PKP4: variants seen among roughly 807,000 people sequenced by gnomAD.
PKP4 encodes plakophilin 4.
Under a neutral mutation model 145.1 loss-of-function variants are expected in PKP4, and 90 were observed. The ratio of observed to expected loss-of-function variants is 0.62; its 90% confidence interval spans 0.52 to 0.74. PKP4 has a LOEUF of 0.74. PKP4 is among the 30% of genes least tolerant of loss of function. The probability of loss-of-function intolerance (pLI) is 0.00; values close to 1 mark genes in which losing one functional copy is unlikely to be tolerated. For missense variants in PKP4, 1,340 were observed against 1,482.7 expected, an observed-to-expected ratio of 0.90 and a Z score of 1.58; for synonymous variants, 563 against 577.2, an observed-to-expected ratio of 0.98 and a Z score of 0.35.
intron 1 of PKP4, among the ~76,000 whole-genome samples, chr2:158,459,087 G>T (rs1389700863): frequency 6.6e-6 from 1 of 152,200 alleles, no homozygotes; most frequent in Non-Finnish European, 1.5e-5. Context: ...CGCTAGAATT[G>T]AGCTTAGATT....
intron 2 of PKP4, among the ~76,000 whole-genome samples, chr2:158,555,322 A>G (rs2045997109): frequency 1.3e-5 from 2 of 152,216 alleles, no homozygotes; most frequent in Non-Finnish European, 2.9e-5. Flanking sequence ...CTTTAGGGAC[A>G]CCACCTTTCC....
At position 158,637,760 on chromosome 2, in the gene PKP4, C is replaced by T. The variant is rs182812324; in HGVS notation, c.1563-2867C>T. On this transcript the variant is annotated intron_variant, in intron 9 of 21. Coordinates refer to ENST00000389759, the MANE Select transcript of PKP4 (RefSeq NM_003628.6). ...TTTATAATTGTTTATGGTGGGAGGG[C>T]GAAATCCAGTACGAGTTACTCTATC... Among the ~76,000 whole-genome samples, 97 of 152,282 alleles carry T rather than the reference C, an allele frequency of 6.4e-4. 1 individual carries two copies. The highest frequency in any genetic ancestry group is 5.0e-3 in the East Asian group (26 of 5,186).
At chr2:158,460,677 C>T (rs1353698625) in intron 1 of PKP4, among the ~76,000 whole-genome samples, 1 of 152,142 alleles carries the variant, frequency 6.6e-6, no homozygotes, top group Non-Finnish European at 1.5e-5. Flanking sequence ...AAATGGACAT[C>T]ATATCTTCAT....
chr2:158,548,368 T>C (rs1228760010), intron 2 of PKP4: 3 of 152,198 alleles, frequency 2.0e-5, no homozygotes. Flanking sequence ...CCTGAAGAAA[T>C]TCCTTTAGAT....
intron 17 of PKP4, 45 bp downstream of exon 17, chr2:158,669,960 G>C: frequency 6.7e-7 from 1 of 1,490,120 alleles, no homozygotes; most frequent in Non-Finnish European, 9.2e-7. Flanking sequence ...TTATTCCTGA[G>C]ATTGTCCTGT....
intron 1 of PKP4, among the ~76,000 whole-genome samples, chr2:158,473,781 T>C (rs1691995104): frequency 6.6e-6 from 1 of 152,196 alleles, no homozygotes; most frequent in Admixed American, 6.5e-5. Context: ...AACCTTCACA[T>C]GTACCCCTGA....
At chr2:158,660,077 G>A (rs1215278803) in intron 12 of PKP4, 3 of 152,670 alleles carry the variant, frequency 2.0e-5, no homozygotes, top group Non-Finnish European at 4.4e-5. Flanking sequence ...CGAGGAAAGG[G>A]GGGAAATAAG....
rs886275551 is a variant in PKP4 at position 158,584,442 on chromosome 2, C to T, written c.245+7059C>T. ...GAGAAATACTGCAAGATAAATTCACCGTTCCAGTAGGCATTGTACGATCTG... is the reference window on the plus strand; with the variant it reads ...GAGAAATACTGCAAGATAAATTCACTGTTCCAGTAGGCATTGTACGATCTG... On this transcript the variant is annotated intron_variant, in intron 3 of 21. Transcript: ENST00000389759. Among the ~76,000 whole-genome samples, 6 of 152,144 alleles carry T rather than the reference C, an allele frequency of 3.9e-5. 1 individual carries two copies. The highest frequency in any genetic ancestry group is 1.3e-4 in the Admixed American group (2 of 15,278).
chr2:158,553,127 T>C (rs929748645), intron 2 of PKP4, among the ~76,000 whole-genome samples: 5 of 152,228 alleles, frequency 3.3e-5, no homozygotes, highest in Non-Finnish European at 7.3e-5. Context: ...TGGTTTCTTC[T>C]TGCTGCTAAT....
chr2:158,647,622 A>G (rs921388691), intron 11 of PKP4, among the ~76,000 whole-genome samples: 1 of 152,212 alleles, frequency 6.6e-6, no homozygotes, highest in African/African-American at 2.4e-5. Context: ...TATGGCTGTC[A>G]TTGTTAATTA....
intron 11 of PKP4, among the ~76,000 whole-genome samples, chr2:158,652,013 A>G (rs946757127): frequency 3.9e-5 from 6 of 152,164 alleles, no homozygotes; most frequent in African/African-American, 1.4e-4. Flanking sequence ...GGCATGAAGC[A>G]AGCAAGCATC....
At chr2:158,623,396 T>C (rs2052446642) in intron 6 of PKP4, among the ~76,000 whole-genome samples, 1 of 152,104 alleles carries the variant, frequency 6.6e-6, no homozygotes, top group South Asian at 2.1e-4. Flanking sequence ...TTGCCCTGGC[T>C]GGTGTCAAGC....
chr2:158,508,391 A>AG (rs2041204893), intron 1 of PKP4, among the ~76,000 whole-genome samples: 2 of 141,084 alleles, frequency 1.4e-5, no homozygotes, highest in Non-Finnish European at 1.5e-5. Flanking sequence ...AAAAAAAAGA[A>AG]GAAGAAGATG....
intron 2 of PKP4, among the ~76,000 whole-genome samples, chr2:158,560,832 G>T (rs931392321): frequency 6.6e-6 from 1 of 152,158 alleles, no homozygotes; most frequent in African/African-American, 2.4e-5. Context: ...ATGTTTAAGT[G>T]ACTTGTCTAA....
intron 2 of PKP4, among the ~76,000 whole-genome samples, chr2:158,543,912 T>C (rs1357620143): frequency 6.6e-6 from 1 of 152,216 alleles, no homozygotes; most frequent in African/African-American, 2.4e-5. Flanking sequence ...TGGGTATCAC[T>C]GTGCAGGTGA....
intron 1 of PKP4, among the ~76,000 whole-genome samples, chr2:158,499,943 A>C (rs958410148): frequency 1.3e-5 from 2 of 152,262 alleles, no homozygotes; most frequent in Non-Finnish European, 2.9e-5. Context: ...TCTGTTATGC[A>C]CAACAGCATG....
chr2:158,619,025 T>C (rs2051936834), intron 4 of PKP4, among the ~76,000 whole-genome samples: 1 of 152,230 alleles, frequency 6.6e-6, no homozygotes, highest in South Asian at 2.1e-4. Flanking sequence ...AGTTTCTTGC[T>C]AGTTCGTATT....
At chr2:158,644,081 T>A (rs2054596078) in intron 11 of PKP4, among the ~76,000 whole-genome samples, 1 of 152,144 alleles carries the variant, frequency 6.6e-6, no homozygotes, top group South Asian at 2.1e-4. Flanking sequence ...AGGGAACTTT[T>A]ATAAGGAACT....
intron 1 of PKP4, among the ~76,000 whole-genome samples, chr2:158,478,328 G>T (rs1284547247): frequency 2.0e-5 from 3 of 151,802 alleles, no homozygotes; most frequent in Non-Finnish European, 4.4e-5. Flanking sequence ...TTGTAAAATG[G>T]GGTTTTCACA....
Sources: gnomAD v4.1 joint callset for allele counts (sites outside exome capture counted in the v4.1 genomes callset) on GRCh38, gnomAD v4.1.1 for gene constraint, MANE v1.5 for transcripts, NCBI Gene and HGNC (gene_info 2026-07-23, HGNC 2026-07-21) for gene names.